TMEM132D: variants seen among roughly 807,000 people sequenced by gnomAD.
TMEM132D encodes mature OL transmembrane protein.
Under a neutral mutation model 62.3 loss-of-function variants are expected in TMEM132D, and 21 were observed. The observed-to-expected ratio is 0.34, with a 90% confidence interval of 0.24 to 0.49. The LOEUF (loss-of-function observed/expected upper bound fraction) is 0.49. Among genes scored for constraint, TMEM132D ranks in the 20% least tolerant of loss-of-function variants. TMEM132D has a pLI of 0.99. For synonymous variants in TMEM132D, 621 were observed against 575.6 expected (o/e 1.08, Z -1.13); for missense variants, 1,346 against 1,402.8 (o/e 0.96, Z 0.65).
At chr12:129,589,438 C>G (rs1213222388) in intron 2 of TMEM132D, among the ~76,000 whole-genome samples, 9 of 152,116 alleles carry the variant, frequency 5.9e-5, no homozygotes, top group Non-Finnish European at 1.5e-5. Flanking sequence ...TGAAAACAGA[C>G]TAATACATGG....
intron 5 of TMEM132D, among the ~76,000 whole-genome samples, chr12:129,144,191 C>T (rs914799820): frequency 6.6e-6 from 1 of 151,830 alleles, no homozygotes; most frequent in Admixed American, 6.6e-5. Flanking sequence ...AGGTTAAGCC[C>T]CAAACCGCTA....
At chr12:129,459,222 G>A (rs979391187) in intron 3 of TMEM132D, among the ~76,000 whole-genome samples, 3 of 152,140 alleles carry the variant, frequency 2.0e-5, no homozygotes, top group Non-Finnish European at 4.4e-5. Context: ...GTAATCGCTG[G>A]ACTTTCATGA....
At chr12:129,337,922 T>C in intron 3 of TMEM132D, 105 bp from the exon 4 acceptor site, 1 of 1,200,152 alleles carries the variant, frequency 8.3e-7, no homozygotes, top group Non-Finnish European at 1.2e-6. Flanking sequence ...TACCTCCACA[T>C]GGAACCAAGC....
At chr12:129,730,544 A>G (rs556044875) in intron 1 of TMEM132D, among the ~76,000 whole-genome samples, 2 of 152,282 alleles carry the variant, frequency 1.3e-5, no homozygotes, top group East Asian at 3.9e-4. Context: ...TTCACTCTGC[A>G]CACACTGATT....
intron 2 of TMEM132D, among the ~76,000 whole-genome samples, chr12:129,693,186 A>G (rs1881104414): frequency 6.6e-6 from 1 of 152,194 alleles, no homozygotes; most frequent in Non-Finnish European, 1.5e-5. Context: ...ATGAGGCGTG[A>G]CAAGCCCTTC....
chr12:129,893,338 C>A (rs1342146544), intron 1 of TMEM132D, among the ~76,000 whole-genome samples: 1 of 152,086 alleles, frequency 6.6e-6, no homozygotes, highest in African/African-American at 2.4e-5. Flanking sequence ...AATGAGCATT[C>A]GATCAATGAT....
chr12:129,671,687 A>T (rs1880503800), intron 2 of TMEM132D, among the ~76,000 whole-genome samples: 2 of 152,188 alleles, frequency 1.3e-5, no homozygotes, highest in Admixed American at 1.3e-4. Context: ...ACCCCAGAGC[A>T]GAAAGACACA....
At chr12:129,592,037 GT>G (rs1418940455) in intron 2 of TMEM132D, among the ~76,000 whole-genome samples, 2 of 152,034 alleles carry the variant, frequency 1.3e-5, no homozygotes, top group South Asian at 2.1e-4. Flanking sequence ...GGCTAATAAA[GT>G]TTTTTTCTTT....
intron 4 of TMEM132D, among the ~76,000 whole-genome samples, chr12:129,232,667 C>T (rs1336141325): frequency 6.6e-6 from 1 of 152,132 alleles, no homozygotes; most frequent in African/African-American, 2.4e-5. Context: ...TTTGTTCTCC[C>T]ACTGCTATAA....
At chr12:129,374,276 A>AGG (rs1412224719) in intron 3 of TMEM132D, among the ~76,000 whole-genome samples, 1 of 151,608 alleles carries the variant, frequency 6.6e-6, no homozygotes, top group Non-Finnish European at 1.5e-5. Context: ...CATCAGAGAG[A>AGG]GAGAGAGAGA....
At chr12:129,118,997 C>T (rs1875979377) in intron 5 of TMEM132D, among the ~76,000 whole-genome samples, 1 of 152,154 alleles carries the variant, frequency 6.6e-6, no homozygotes, top group Non-Finnish European at 1.5e-5. Flanking sequence ...GGCTTACCTG[C>T]CCCCGGAACA....
chr12:129,330,116 C>A (rs1488444121), intron 4 of TMEM132D, among the ~76,000 whole-genome samples: 1 of 152,074 alleles, frequency 6.6e-6, no homozygotes, highest in Non-Finnish European at 1.5e-5. Context: ...GGAAGAGATT[C>A]CTTAACGATT....
intron 3 of TMEM132D, among the ~76,000 whole-genome samples, chr12:129,517,893 C>T (rs534472107): frequency 6.6e-6 from 1 of 152,218 alleles, no homozygotes; most frequent in South Asian, 2.1e-4. Flanking sequence ...TAATACCATC[C>T]ACTGCCTTGA....
chr12:129,287,183 G>T lies in TMEM132D; in HGVS notation c.1299+50451C>A, dbSNP rs1230179679. On this transcript the variant is annotated intron_variant, in intron 4 of 8. Transcript: ENST00000422113. Reference sequence around the variant, plus strand: ...GAAAGTGCTCAAAAAAAGCATGGTGGCAGGAGATGACTTGAAGTGCTATGA... The same window carrying T: ...GAAAGTGCTCAAAAAAAGCATGGTGTCAGGAGATGACTTGAAGTGCTATGA... Among the ~76,000 whole-genome samples the T allele has an allele frequency of 1.2e-4, 18 of 152,298 alleles. No individual in the cohort carries two copies. In the Middle Eastern group the frequency reaches 0.01, roughly 86 times the overall value.
intron 3 of TMEM132D, among the ~76,000 whole-genome samples, chr12:129,526,577 C>T (rs532247789): frequency 6.6e-6 from 1 of 152,342 alleles, no homozygotes; most frequent in African/African-American, 2.4e-5. Flanking sequence ...GCCACCACTC[C>T]CAGCCTCTTC....
intron 1 of TMEM132D, among the ~76,000 whole-genome samples, chr12:129,771,348 C>G (rs929947283): frequency 6.6e-6 from 1 of 152,114 alleles, no homozygotes; most frequent in Admixed American, 6.6e-5. Context: ...AATAACAGTC[C>G]CTGCCTCAAT....
intron 3 of TMEM132D, among the ~76,000 whole-genome samples, chr12:129,486,440 A>T (rs1874581383): frequency 6.6e-6 from 1 of 152,038 alleles, no homozygotes; most frequent in Non-Finnish European, 1.5e-5. Context: ...TGTGTTTACC[A>T]CTTATTCTCC....
chr12:129,422,804 A>G (rs1184253809), intron 3 of TMEM132D, among the ~76,000 whole-genome samples: 1 of 152,136 alleles, frequency 6.6e-6, no homozygotes, highest in African/African-American at 2.4e-5. Context: ...CATTATGATA[A>G]AATGATTCTG....
chr12:129,645,275 T>C (rs2137178374), intron 2 of TMEM132D, among the ~76,000 whole-genome samples: 1 of 152,252 alleles, frequency 6.6e-6, no homozygotes, highest in South Asian at 2.1e-4. Flanking sequence ...GCCAGGCCTT[T>C]TCCTTTCTCT....
Sources: allele counts gnomAD v4.1 joint callset (sites outside exome capture counted in the v4.1 genomes callset), GRCh38; gene constraint gnomAD v4.1.1; transcripts MANE v1.5; gene names NCBI Gene and HGNC (gene_info 2026-07-23, HGNC 2026-07-21).